Variants in MGST1 observed in about 807,000 individuals in gnomAD.
MGST1 encodes glutathione S-transferase 12.
In MGST1, 5 loss-of-function variants were observed where a neutral mutation model predicts 8.9. The ratio of observed to expected loss-of-function variants is 0.56; its 90% CI spans 0.29 to 1.19. MGST1 has a LOEUF of 1.19. MGST1 is among the 50% of genes most tolerant of loss of function. The pLI is 0.08. For missense variants in MGST1, 182 were observed against 187.4 expected (o/e 0.97, Z 0.17); for synonymous variants, 54 against 67.8 (o/e 0.80, Z 1.00).
At chr12:16,461,643 A>G (rs560649607) in intron 4 of MGST1, among the ~76,000 whole-genome samples, 2 of 152,098 alleles carry the variant, frequency 1.3e-5, no homozygotes, top group Non-Finnish European at 2.9e-5. Flanking sequence ...AAACATTTCA[A>G]CTCTCCTTGA....
At chr12:16,425,515 C>T (rs1940877843) in intron 1 of MGST1, among the ~76,000 whole-genome samples, 1 of 152,204 alleles carries the variant, frequency 6.6e-6, no homozygotes, top group Non-Finnish European at 1.5e-5. Context: ...AACTCCAGAA[C>T]TCAAAGTGAT....
chr12:16,354,492 G>T, intron 2 of MGST1, 114 bp downstream of exon 2: 1 of 1,017,076 alleles, frequency 9.8e-7, no homozygotes, highest in South Asian at 1.8e-5. Context: ...ACTGTTTTAT[G>T]CTGTAAGTGA....
intron 4 of MGST1, among the ~76,000 whole-genome samples, chr12:16,463,399 C>T (rs367968564): frequency 8.6e-5 from 11 of 128,014 alleles, no homozygotes; most frequent in African/African-American, 2.4e-4. Context: ...TTTAAAAGAC[C>T]GGTGAAGAAC....
chr12:16,404,976 A>T (rs1940687399), intron 1 of MGST1, among the ~76,000 whole-genome samples: 1 of 152,150 alleles, frequency 6.6e-6, no homozygotes, highest in Non-Finnish European at 1.5e-5. Flanking sequence ...AGTTTTTTGT[A>T]ACTAATGAGA....
Position 16,402,868 on chromosome 12 carries a change from TAGAA to T in MGST1, n.778+19269_778+19272del, listed in dbSNP as rs201617176. Reference sequence around the variant, plus strand: ...GCCGCATTATGTCCTTTCTTCTTTATAGAAAGAAGTATTGTGGGATTTATTTTCT... The same window carrying T: ...GCCGCATTATGTCCTTTCTTCTTTATAGAAGTATTGTGGGATTTATTTTCT... On this transcript the variant is annotated intron_variant and non_coding_transcript_variant, in intron 1 of 1. Transcript: ENST00000359720. Among the ~76,000 whole-genome samples the T allele has an allele frequency of 2.2e-3, 340 of 151,206 alleles. 1 individual carries two copies. The highest frequency in any genetic ancestry group is 7.5e-3 in the African/African-American group (310 of 41,444).
intron 1 of MGST1, among the ~76,000 whole-genome samples, chr12:16,432,732 A>G (rs1940950259): frequency 7.7e-6 from 1 of 129,758 alleles, no homozygotes; most frequent in Non-Finnish European, 1.7e-5. Flanking sequence ...ACACACACAC[A>G]GAGAGAGAGA....
intron 4 of MGST1, among the ~76,000 whole-genome samples, chr12:16,468,949 G>A (rs541467679): frequency 7.9e-5 from 12 of 152,246 alleles, no homozygotes; most frequent in South Asian, 2.1e-4. Flanking sequence ...ATCATCCAGC[G>A]TCATGCACAG....
At chr12:16,498,067 G>A (rs999297294) in intron 4 of MGST1, among the ~76,000 whole-genome samples, 5 of 152,146 alleles carry the variant, frequency 3.3e-5, no homozygotes, top group African/African-American at 4.8e-5. Flanking sequence ...TAAAATGGGT[G>A]AATTTTTTCA....
chr12:16,386,212 G>A (rs1940502531), intron 1 of MGST1, among the ~76,000 whole-genome samples: 1 of 152,148 alleles, frequency 6.6e-6, no homozygotes, highest in South Asian at 2.1e-4. Context: ...GAGAAGATCG[G>A]TGATTTCCCA....
chr12:16,398,575 T>A (rs1481275474), intron 1 of MGST1, among the ~76,000 whole-genome samples: 1 of 152,226 alleles, frequency 6.6e-6, no homozygotes, highest in Non-Finnish European at 1.5e-5. Flanking sequence ...AAGAAGACAG[T>A]GGCAATTTTG....
chr12:16,538,883 C>T (rs1454075809), intron 4 of MGST1, among the ~76,000 whole-genome samples: 2 of 152,092 alleles, frequency 1.3e-5, no homozygotes, highest in Non-Finnish European at 2.9e-5. Context: ...GCTGGGATTA[C>T]AGGCATGAGC....
intron 1 of MGST1, among the ~76,000 whole-genome samples, chr12:16,425,738 C>T (rs78282396): frequency 7.6e-4 from 116 of 152,328 alleles, no homozygotes; most frequent in Middle Eastern, 3.4e-3. Flanking sequence ...CTGTTCTTCA[C>T]GTCCTTATTC....
At chr12:16,549,874 G>T (rs746279943) in intron 4 of MGST1, 1 of 151,914 alleles carries the variant, frequency 6.6e-6, no homozygotes, top group African/African-American at 2.4e-5. Flanking sequence ...ATGCTATCAC[G>T]TAAGGTAGTA....
intron 1 of MGST1, among the ~76,000 whole-genome samples, chr12:16,392,699 G>T (rs906893099): frequency 1.3e-5 from 2 of 151,834 alleles, no homozygotes; most frequent in East Asian, 1.9e-4. Context: ...TTTGGAATAC[G>T]GCCAAGTTAT....
At chr12:16,402,343 A>G (rs187738984) in intron 1 of MGST1, 1 of 1,600,658 alleles carries the variant, frequency 6.2e-7, no homozygotes, top group Admixed American at 1.7e-5. Context: ...TGGCATACTC[A>G]TCTTCTCCTT....
At position 16,400,834 on chromosome 12, in the gene MGST1, G is replaced by A. The variant is rs1024785771; in HGVS notation, n.778+17230G>A. On this transcript the variant is annotated intron_variant and non_coding_transcript_variant, in intron 1 of 1. Transcript: ENST00000359720. ...TTACAGTCTCATATTTCTTATCGAT[G>A]TAGATCTTCATTTCCCCAATATGTG... 4.8e-5 allele frequency: 58 copies of A among 1,219,974 alleles called. 1 individual carries two copies. Among genetic ancestry groups the A allele is most frequent in the Non-Finnish European group, 6.3e-5 (52 of 821,010 alleles). The allele number at this position is 1,219,974 out of a possible 1,614,324, so 75.6% of individuals were successfully genotyped here.
At position 16,468,506 on chromosome 12, in the gene MGST1, C is replaced by T. The variant is rs34393; in HGVS notation, n.482+84902C>T. Among the ~76,000 whole-genome samples, 17 of 152,254 alleles carry T rather than the reference C, an allele frequency of 1.1e-4. No individual in the cohort carries two copies. The South Asian group carries it at 3.1e-3, about 28-fold the overall frequency. On this transcript the variant is annotated intron_variant and non_coding_transcript_variant, in intron 4 of 4. Coordinates refer to the MGST1 transcript ENST00000538857. ...GAGTACTCATCTTACACATCTTCTA[C>T]ATCACTCATTTAACACCAGATATAG...
downstream of MGST1, among the ~76,000 whole-genome samples, chr12:16,439,203 G>A (rs557902619): frequency 3.3e-5 from 5 of 151,684 alleles, 1 homozygote; most frequent in South Asian, 1.0e-3. Context: ...TTTTAGAGTT[G>A]CATTTATTGG....
intron 4 of MGST1, among the ~76,000 whole-genome samples, chr12:16,501,265 TAATTA>T (rs1302305672): frequency 6.6e-6 from 1 of 152,214 alleles, no homozygotes; most frequent in Non-Finnish European, 1.5e-5. Context: ...CACTGCATGA[TAATTA>T]AATTGGGCAT....
Sources: allele counts gnomAD v4.1 joint callset (sites outside exome capture counted in the v4.1 genomes callset), GRCh38; gene constraint gnomAD v4.1.1; transcripts MANE v1.5; gene names NCBI Gene and HGNC (gene_info 2026-07-23, HGNC 2026-07-21).